Variants in ZNF165 observed in about 807,000 individuals in gnomAD.
ZNF165 encodes cancer/testis antigen 53.
ZNF165 carries 14 observed loss-of-function variants against 19.6 expected under a neutral mutation model. That is an observed-to-expected ratio of 0.71 (90% CI 0.47 to 1.12). The LOEUF (loss-of-function observed/expected upper bound fraction) is 1.12, where lower values mean the gene tolerates loss of function less well. ZNF165 is among the 50% of genes most tolerant of loss of function. ZNF165 has a pLI of 0.00. For synonymous variants in ZNF165, 165 were observed against 195.0 expected (o/e 0.85, Z 1.28); for missense variants, 504 against 566.3 (o/e 0.89, Z 1.12).
At position 28,084,423 on chromosome 6, in the gene ZNF165, T is replaced by G. The variant is rs115084139; in HGVS notation, c.1-1058T>G. Reference sequence around the variant, plus strand: ...ATCCCAGCAATTTGGGAGGCTGAGATGGGCAGTGGGCAGATCACAAGGTCA... The same window carrying G: ...ATCCCAGCAATTTGGGAGGCTGAGAGGGGCAGTGGGCAGATCACAAGGTCA... On this transcript the variant is annotated intron_variant, in intron 1 of 3. Coordinates refer to ENST00000683778, the MANE Select transcript of ZNF165 (RefSeq NM_001376491.1). Among the ~76,000 whole-genome samples, 354 of 152,234 alleles carry G rather than the reference T, an allele frequency of 2.3e-3. 2 individuals are homozygous for G. Among genetic ancestry groups the G allele is most frequent in the African/African-American group, 8.0e-3 (334 of 41,542 alleles).
chr6:28,085,658 T>G lies in ZNF165; in HGVS notation c.178T>G (p.Ser60Ala). ...QLFRQFCYQD[S>A]PGPREALSRL... ...TTTTAGGCAGTTCTGCTACCAGGAT[T>G]CTCCTGGACCTCGCGAGGCACTGAG... Residue 60 changes from serine to alanine, a missense_variant, in exon 2 of 4, where the codon TCT becomes GCT. Transcript: ENST00000683778. 6.2e-7 allele frequency: 1 copy of G among 1,614,210 alleles called. No individual in the cohort carries two copies. Among genetic ancestry groups the G allele is most frequent in the Non-Finnish European group, 8.5e-7 (1 of 1,180,044 alleles).
chr6:28,084,202 C>T (rs1050489042), intron 1 of ZNF165, among the ~76,000 whole-genome samples: 1 of 152,190 alleles, frequency 6.6e-6, no homozygotes, highest in African/African-American at 2.4e-5. Context: ...ACCAAAGATC[C>T]CATATGATGA....
chr6:28,085,390 CAGTAAT>C (rs1187580297), intron 1 of ZNF165, 85 bp from the exon 2 acceptor site: 1 of 1,310,836 alleles, frequency 7.6e-7, no homozygotes, highest in Admixed American at 2.4e-5. Flanking sequence ...TCTTCTTAGA[CAGTAAT>C]AGTAACTTTT....
intron 1 of ZNF165, among the ~76,000 whole-genome samples, chr6:28,083,678 G>T (rs545153093): frequency 6.6e-6 from 1 of 152,142 alleles, no homozygotes; most frequent in Non-Finnish European, 1.5e-5. Context: ...TCTCACCATT[G>T]CTCCATCTGC....
At position 28,088,616 on chromosome 6, in the gene ZNF165, AT is replaced by A; in HGVS notation, c.606del (p.Ile202MetfsTer32). On this transcript the variant is annotated frameshift_variant, in exon 4 of 4. Transcript: ENST00000683778. LOFTEE classifies it low-confidence loss of function (END_TRUNC). ...SMPKLEIFEKIESQRIISGRI... is the reference protein window; with the variant it reads ...SMPKLEIFEKXESQRIISGRI... ...GCCAAAGCTGGAAATTTTTGAAAAA[AT>A]TGAATCACAGAGAATTATATCTGGA... is the stretch of plus-strand genomic sequence containing the variant. The A allele has an allele frequency of 6.2e-7, 1 of 1,611,466 alleles. No homozygotes were observed. Among genetic ancestry groups the A allele is most frequent in the Non-Finnish European group, 8.5e-7 (1 of 1,179,362 alleles).
intron 1 of ZNF165, 194 bp downstream of exon 1, chr6:28,081,164 C>G (rs1764145632): frequency 6.6e-6 from 1 of 152,274 alleles, no homozygotes; most frequent in Non-Finnish European, 1.5e-5. Flanking sequence ...GAGGGTTTGG[C>G]GGTCTCCATA....
intron 1 of ZNF165, among the ~76,000 whole-genome samples, chr6:28,081,792 C>T (rs1009110659): frequency 5.3e-5 from 8 of 152,114 alleles, no homozygotes; most frequent in African/African-American, 1.7e-4. Flanking sequence ...TTTGTAAGTC[C>T]TCCTAACACA....
At chr6:28,086,127 C>T (rs375208153) in intron 2 of ZNF165, 45 bp from the exon 3 acceptor site, 3 of 1,581,494 alleles carry the variant, frequency 1.9e-6, no homozygotes, top group Non-Finnish European at 2.6e-6. Flanking sequence ...AGACGTTTAA[C>T]ACAGGGATTC....
intron 2 of ZNF165, 80 bp from the exon 3 acceptor site, chr6:28,086,092 A>G (rs536434929): frequency 7.9e-5 from 123 of 1,548,636 alleles, no homozygotes; most frequent in South Asian, 6.6e-4. Context: ...TTGCATTTCT[A>G]TGGGAGTTTC....
chr6:28,085,203 T>A (rs1561796566), intron 1 of ZNF165, among the ~76,000 whole-genome samples: 1 of 152,228 alleles, frequency 6.6e-6, no homozygotes, highest in Non-Finnish European at 1.5e-5. Flanking sequence ...GCATTACATT[T>A]AAGTTTATTG....
chr6:28,084,614 G>A (rs561185391), intron 1 of ZNF165, among the ~76,000 whole-genome samples: 133 of 152,210 alleles, frequency 8.7e-4, no homozygotes, highest in African/African-American at 2.9e-3. Flanking sequence ...AGCCGAGATC[G>A]CGCCATTGCA....
intron 3 of ZNF165, among the ~76,000 whole-genome samples, chr6:28,086,688 G>A (rs550695164): frequency 8.4e-4 from 128 of 152,098 alleles, no homozygotes; most frequent in African/African-American, 3.0e-3. Context: ...CAGCCTGGGC[G>A]ACAGAGCAAG....
intron 3 of ZNF165, among the ~76,000 whole-genome samples, chr6:28,087,704 T>C (rs970488153): frequency 3.9e-5 from 6 of 152,264 alleles, no homozygotes; most frequent in Admixed American, 2.0e-4. Context: ...GGACAGCTTA[T>C]AATAAAGAAG....
At chr6:28,081,509 C>G (rs918256568) in intron 1 of ZNF165, 3 of 152,118 alleles carry the variant, frequency 2.0e-5, no homozygotes, top group Non-Finnish European at 4.4e-5. Flanking sequence ...AACACTGACC[C>G]CCTGCCCTTG....
At position 28,086,209 on chromosome 6, in the gene ZNF165, A is replaced by T. The variant is rs1446396402; in HGVS notation, c.449A>T (p.Lys150Ile). Residue 150 changes from lysine (K) to isoleucine (I), a missense_variant, in exon 3 of 4, where the codon AAA becomes ATA. Physicochemically the swap from Lys to Ile is moderately radical, Grantham distance 102. Coordinates refer to ENST00000683778, the MANE Select transcript of ZNF165 (RefSeq NM_001376491.1). The stretch of plus-strand genomic sequence containing the variant: ...GAACATGGACAAGAAATATTCCAGA[A>T]AAAAGTGTCACCTCCTGGACCAGCA... ...AHEHGQEIFQ[K>I]KVSPPGPALN... is the part of the protein sequence containing the mutation. The T allele has an allele frequency of 1.2e-6, 2 of 1,614,196 alleles. No individual in the cohort carries two copies. The highest frequency in any genetic ancestry group is 3.3e-5 in the Admixed American group (2 of 60,002).
chr6:28,086,049 A>G, intron 2 of ZNF165, 123 bp from the exon 3 acceptor site: 3 of 1,507,048 alleles, frequency 2.0e-6, no homozygotes, highest in Non-Finnish European at 1.8e-6. Context: ...ACATTTTACA[A>G]TTAAATCAGA....
chr6:28,082,902 A>G (rs1368587645), intron 1 of ZNF165, among the ~76,000 whole-genome samples: 1 of 152,268 alleles, frequency 6.6e-6, no homozygotes, highest in African/African-American at 2.4e-5. Flanking sequence ...GTCATCTGAA[A>G]CTTTCCTAAT....
chr6:28,084,047 A>G (rs1581481200), intron 1 of ZNF165, among the ~76,000 whole-genome samples: 1 of 152,264 alleles, frequency 6.6e-6, no homozygotes, highest in East Asian at 1.9e-4. Context: ...TCTATTCTTC[A>G]AACTCAAAGA....
In ZNF165 at chr6:28,088,938, A is replaced by C. The variant is rs778434729; in HGVS notation, c.926A>C (p.Asn309Thr). The change falls in exon 4 of 4, where the codon AAC becomes ACC. Residue 309 changes from asparagine (N) to threonine (T), a missense_variant. Coordinates refer to ENST00000683778, the MANE Select transcript of ZNF165 (RefSeq NM_001376491.1). ...QSFKWNSDFI[N>T]HQIIYAGEKN... ...TTCAAATGGAACTCAGATTTTATTA[A>C]CCATCAAATAATTTATGCTGGAGAA... is the stretch of plus-strand genomic sequence containing the variant. 2.5e-6 allele frequency: 4 copies of C among 1,614,182 alleles called. No homozygotes were observed. The South Asian group carries it at 3.3e-5, about 13-fold the overall frequency.
Sources: gnomAD v4.1 joint callset for allele counts (sites outside exome capture counted in the v4.1 genomes callset) on GRCh38, gnomAD v4.1.1 for gene constraint, MANE v1.5 for transcripts, NCBI Gene and HGNC (gene_info 2026-07-23, HGNC 2026-07-21) for gene names.